Variants in DNAJC8 observed in about 807,000 individuals in gnomAD.
DNAJC8 encodes dnaJ homolog subfamily C member 8.
In DNAJC8, 24 loss-of-function variants were observed where a neutral mutation model predicts 43.2. The observed-to-expected ratio is 0.56, with a 90% confidence interval of 0.40 to 0.78. The LOEUF (loss-of-function observed/expected upper bound fraction) is 0.78. DNAJC8 is among the 30% of genes least tolerant of loss of function. The pLI is 0.00. For synonymous variants in DNAJC8, 83 were observed against 98.0 expected (o/e 0.85, Z 0.90); for missense variants, 207 against 299.4 (o/e 0.69, Z 2.28).
At chr1:28,209,308 A>G (rs1456258099) in intron 5 of DNAJC8, among the ~76,000 whole-genome samples, 1 of 152,186 alleles carries the variant, frequency 6.6e-6, no homozygotes, top group Non-Finnish European at 1.5e-5. Context: ...TTCATGTGAA[A>G]AGTCATCCAA....
At chr1:28,202,228 C>T (rs896722042) in intron 8 of DNAJC8, among the ~76,000 whole-genome samples, 19 of 152,124 alleles carry the variant, frequency 1.2e-4, no homozygotes, top group Non-Finnish European at 2.6e-4. Context: ...ACTGAGGCCC[C>T]ATTTGTTGGG....
At chr1:28,223,992 G>A (rs1177716912) in intron 2 of DNAJC8, among the ~76,000 whole-genome samples, 2 of 152,094 alleles carry the variant, frequency 1.3e-5, no homozygotes, top group African/African-American at 4.8e-5. Context: ...GCTGGGTCAG[G>A]AAAAACACAA....
intron 7 of DNAJC8, among the ~76,000 whole-genome samples, chr1:28,204,659 A>T (rs1646757328): frequency 6.6e-6 from 1 of 152,246 alleles, no homozygotes; most frequent in African/African-American, 2.4e-5. Flanking sequence ...TGGCTTCAGT[A>T]ACAATGGCCT....
At chr1:28,229,053 A>C (rs496700) in intron 1 of DNAJC8, 30 bp from the exon 2 acceptor site, 69,196 of 1,543,646 alleles carry the variant, frequency 0.045, 2,766 homozygotes, top group African/African-American at 0.2. Flanking sequence ...AAACTTCATT[A>C]ATAGAATTCA....
chr1:28,209,415 C>T (rs1409008402), intron 5 of DNAJC8, among the ~76,000 whole-genome samples: 1 of 152,212 alleles, frequency 6.6e-6, no homozygotes, highest in South Asian at 2.1e-4. Flanking sequence ...GCCATACTGA[C>T]ATTTCCCACC....
chr1:28,217,320 T>G (rs1016863994), intron 2 of DNAJC8, among the ~76,000 whole-genome samples: 1 of 151,950 alleles, frequency 6.6e-6, no homozygotes, highest in South Asian at 2.1e-4. Context: ...TTAAATGTTT[T>G]TAGAGATGGG....
chr1:28,227,013 G>T (rs507631), intron 2 of DNAJC8, among the ~76,000 whole-genome samples: 145,076 of 146,850 alleles, frequency 0.99, 71,732 homozygotes, highest in East Asian at 1. Context: ...TCTGTACTGA[G>T]TTCTGAAGAG....
At position 28,224,057 on chromosome 1, in the gene DNAJC8, T is replaced by C. The variant is rs192822528; in HGVS notation, c.180+4865A>G. 7.2e-5 allele frequency among the ~76,000 whole-genome samples: 11 copies of C among 152,250 alleles called. No homozygotes were observed. In the East Asian group the frequency reaches 7.7e-4, roughly 11 times the overall value. The stretch of plus-strand genomic sequence containing the variant: ...ACATATGAAAGACACAGGAGCTAGA[T>C]TGAAAGGTAACCCACTGGCCAAACT... On this transcript the variant is annotated intron_variant, in intron 2 of 8. Transcript: ENST00000263697.
chr1:28,208,396 T>A lies in DNAJC8; in HGVS notation c.417A>T (p.Lys139Asn). 6.2e-7 allele frequency: 1 copy of A among 1,611,946 alleles called. No individual in the cohort carries two copies. Among genetic ancestry groups the A allele is most frequent in the Non-Finnish European group, 8.5e-7 (1 of 1,178,810 alleles). The change falls in exon 6 of 9, where the codon AAA becomes AAT. Residue 139 changes from lysine (K) to asparagine (N), a missense_variant. By Grantham distance (94) the Lys-to-Asn change is moderately conservative (BLOSUM62 0). This residue lies in a region of DNAJC8 where 159 missense variants were observed against 267.5 expected (regional missense o/e 0.59). Transcript: ENST00000263697. ...YVEHTVKERK[K>N]QLKKEGKPTI... is the part of the protein sequence containing the mutation. ...TAGGTTTTCCTTCCTTCTTTAATTG[T>A]TTTTTTCGCTCTTTCACCTAAAAAG...
At chr1:28,209,481 C>T (rs1216813077) in intron 5 of DNAJC8, among the ~76,000 whole-genome samples, 1 of 152,206 alleles carries the variant, frequency 6.6e-6, no homozygotes, top group South Asian at 2.1e-4. Flanking sequence ...CCAGCTACAA[C>T]TCAGTTTCCT....
chr1:28,223,004 C>T (rs1220130168), intron 2 of DNAJC8, among the ~76,000 whole-genome samples: 5 of 151,998 alleles, frequency 3.3e-5, no homozygotes, highest in African/African-American at 7.3e-5. Flanking sequence ...AAGCAAGGTA[C>T]GGAGGGTGTC....
intron 2 of DNAJC8, among the ~76,000 whole-genome samples, chr1:28,221,820 A>G (rs768629830): frequency 1.1e-4 from 16 of 152,192 alleles, no homozygotes; most frequent in Non-Finnish European, 1.8e-4. Flanking sequence ...TTTTCTCAAT[A>G]GCTAAGATGT....
At chr1:28,214,224 C>A (rs1272369891) in intron 3 of DNAJC8, among the ~76,000 whole-genome samples, 1 of 152,040 alleles carries the variant, frequency 6.6e-6, no homozygotes, top group Non-Finnish European at 1.5e-5. Flanking sequence ...CTTAGGTATT[C>A]ATTTAAGTTG....
chr1:28,226,123 T>C (rs1265034043), intron 2 of DNAJC8, among the ~76,000 whole-genome samples: 1 of 151,438 alleles, frequency 6.6e-6, no homozygotes, highest in Non-Finnish European at 1.5e-5. Context: ...AATATTCACT[T>C]CAAAATTATT....
At chr1:28,229,105 T>C (rs1646957024) in intron 1 of DNAJC8, 82 bp from the exon 2 acceptor site, 1 of 1,147,262 alleles carries the variant, frequency 8.7e-7, no homozygotes, top group South Asian at 1.4e-5. Flanking sequence ...CACTGATATG[T>C]TCAACAAACA....
chr1:28,225,226 T>C (rs913573302), intron 2 of DNAJC8, among the ~76,000 whole-genome samples: 6 of 151,260 alleles, frequency 4.0e-5, no homozygotes, highest in Non-Finnish European at 8.9e-5. Context: ...GTTTATATTG[T>C]GGTTCAGTAA....
intron 5 of DNAJC8, among the ~76,000 whole-genome samples, chr1:28,209,302 T>A (rs901336860): frequency 6.6e-6 from 1 of 152,220 alleles, no homozygotes; most frequent in Non-Finnish European, 1.5e-5. Flanking sequence ...AAGCTCTTCA[T>A]GTGAAAAGTC....
intron 2 of DNAJC8, among the ~76,000 whole-genome samples, chr1:28,220,217 G>A (rs1208690510): frequency 6.6e-6 from 1 of 152,192 alleles, no homozygotes; most frequent in African/African-American, 2.4e-5. Flanking sequence ...AATATTCACT[G>A]AGTGCCTTCA....
At chr1:28,220,354 G>A (rs1373810976) in intron 2 of DNAJC8, among the ~76,000 whole-genome samples, 1 of 152,212 alleles carries the variant, frequency 6.6e-6, no homozygotes. Flanking sequence ...GTACCAACTT[G>A]TAGAGCACAA....
Sources: allele counts gnomAD v4.1 joint callset (sites outside exome capture counted in the v4.1 genomes callset), GRCh38; gene constraint gnomAD v4.1.1; regional missense constraint gnomAD v4.1.1; transcripts MANE v1.5; gene names NCBI Gene and HGNC (gene_info 2026-07-23, HGNC 2026-07-21).